Variants in TCF12 observed in about 807,000 individuals in gnomAD.
The protein encoded by TCF12 is DNA-binding protein HTF4.
In TCF12, 45 loss-of-function variants were observed where a neutral mutation model predicts 86.0. That is an observed-to-expected ratio of 0.52 (90% CI 0.41 to 0.67). The LOEUF (loss-of-function observed/expected upper bound fraction) is 0.67. Among genes scored for constraint, TCF12 ranks in the 30% least tolerant of loss-of-function variants. The pLI is 0.00. For synonymous variants in TCF12, 330 were observed against 299.6 expected, an observed-to-expected ratio of 1.10 and a Z score of -1.05; for missense variants, 881 against 859.9, an observed-to-expected ratio of 1.02 and a Z score of -0.31.
intron 12 of TCF12, among the ~76,000 whole-genome samples, chr15:57,241,995 GAAA>G: frequency 6.7e-6 from 1 of 148,770 alleles, no homozygotes; most frequent in Admixed American, 6.7e-5. Context: ...CCATCTCAGG[GAAA>G]AAAAAAATGA....
At chr15:57,161,929 A>T (rs1449167929) in intron 5 of TCF12, among the ~76,000 whole-genome samples, 1 of 152,228 alleles carries the variant, frequency 6.6e-6, no homozygotes, top group Non-Finnish European at 1.5e-5. Context: ...TTTGATGATT[A>T]CGTGTCATTG....
At chr15:57,081,070 G>A (rs563052997) in intron 4 of TCF12, among the ~76,000 whole-genome samples, 1 of 152,222 alleles carries the variant, frequency 6.6e-6, no homozygotes, top group Non-Finnish European at 1.5e-5. Flanking sequence ...AGTCCAAACA[G>A]TTTACTAAAG....
At chr15:56,968,049 C>G (rs1241303532) in intron 3 of TCF12, among the ~76,000 whole-genome samples, 1 of 151,978 alleles carries the variant, frequency 6.6e-6, no homozygotes. Context: ...CTCCGCCTCC[C>G]AGGTTCAAAT....
chr15:56,956,129 A>G (rs1336149236), intron 3 of TCF12, among the ~76,000 whole-genome samples: 3 of 151,834 alleles, frequency 2.0e-5, no homozygotes, highest in Non-Finnish European at 2.9e-5. Flanking sequence ...AGAACAGTTT[A>G]TTTATTTTTA....
At chr15:57,235,555 C>T (rs1464653156) in intron 12 of TCF12, among the ~76,000 whole-genome samples, 9 of 152,168 alleles carry the variant, frequency 5.9e-5, no homozygotes, top group Non-Finnish European at 8.8e-5. Context: ...AAAATTGTCT[C>T]ACCCTTTTTT....
chr15:57,063,901 A>T (rs1213206388), intron 4 of TCF12, 78 bp downstream of exon 4: 1 of 1,115,292 alleles, frequency 9.0e-7, no homozygotes, highest in African/African-American at 1.5e-5. Flanking sequence ...GCTGTTTCTT[A>T]TGAGAAATGA....
intron 3 of TCF12, among the ~76,000 whole-genome samples, chr15:57,017,289 A>AT (rs1255826583): frequency 6.6e-6 from 1 of 152,244 alleles, no homozygotes; most frequent in African/African-American, 2.4e-5. Flanking sequence ...CAGCCTAGCA[A>AT]TGCCATTTAA....
At chr15:57,021,918 T>C (rs1216271615) in intron 3 of TCF12, among the ~76,000 whole-genome samples, 1 of 152,168 alleles carries the variant, frequency 6.6e-6, no homozygotes. Flanking sequence ...TACTGAGGGA[T>C]GACTGTATAC....
intron 3 of TCF12, among the ~76,000 whole-genome samples, chr15:57,055,581 A>G (rs1308722506): frequency 6.6e-6 from 1 of 152,082 alleles, no homozygotes; most frequent in Non-Finnish European, 1.5e-5. Flanking sequence ...TTATTCTCCC[A>G]CATCCCCCAA....
At chr15:57,131,861 T>A (rs1456045597) in intron 5 of TCF12, among the ~76,000 whole-genome samples, 1 of 152,174 alleles carries the variant, frequency 6.6e-6, no homozygotes, top group Non-Finnish European at 1.5e-5. Context: ...AGAATCTGAG[T>A]CTTCTGATTT....
At position 56,918,809 on chromosome 15, in the gene TCF12, A is replaced by C. The variant is rs2059614701; in HGVS notation, c.-120A>C. The C allele has an allele frequency of 6.3e-6, 1 of 157,748 alleles. No homozygotes were observed. The highest frequency in any genetic ancestry group is 1.4e-5 in the Non-Finnish European group (1 of 71,302). The allele number at this position is 157,748 out of a possible 1,614,324, so 9.8% of individuals were successfully genotyped here. Reference sequence around the variant, plus strand: ...CCGAGAGCTCGTGCGGGGCAAAGTGAACCGAGCCGCTGGGCGGTGCAAGGG... The same window carrying C: ...CCGAGAGCTCGTGCGGGGCAAAGTGCACCGAGCCGCTGGGCGGTGCAAGGG... On this transcript the variant is annotated 5_prime_UTR_variant, in exon 1 of 21. Transcript: ENST00000333725.
At chr15:57,215,019 AAAT>A (rs2058274867) in intron 8 of TCF12, among the ~76,000 whole-genome samples, 2 of 152,180 alleles carry the variant, frequency 1.3e-5, no homozygotes, top group South Asian at 4.1e-4. Context: ...ATTGGTTTGA[AAAT>A]GATGCATTAT....
At chr15:57,246,604 T>A (rs1410965260) in intron 13 of TCF12, among the ~76,000 whole-genome samples, 1 of 152,024 alleles carries the variant, frequency 6.6e-6, no homozygotes, top group East Asian at 1.9e-4. Context: ...AATTCCCTAT[T>A]TTTTTATTCC....
At chr15:57,094,904 T>A (rs752816738) in intron 5 of TCF12, among the ~76,000 whole-genome samples, 1 of 152,204 alleles carries the variant, frequency 6.6e-6, no homozygotes, top group Non-Finnish European at 1.5e-5. Context: ...GTGATAGAGC[T>A]TTCAAATACT....
chr15:57,024,349 G>C (rs982148698), intron 3 of TCF12, among the ~76,000 whole-genome samples: 2 of 150,736 alleles, frequency 1.3e-5, no homozygotes, highest in African/African-American at 2.4e-5. Context: ...GAGTAGTTGA[G>C]ATTACAGGCG....
chr15:56,919,843 C>G (rs2059698264), intron 1 of TCF12, 49 bp from the exon 2 acceptor site: 24 of 1,546,294 alleles, frequency 1.6e-5, no homozygotes, highest in Non-Finnish European at 2.1e-5. Context: ...TTCCCTCACA[C>G]ACTTTGGGCC....
chr15:57,042,972 G>C (rs2066996025), intron 3 of TCF12, among the ~76,000 whole-genome samples: 1 of 152,072 alleles, frequency 6.6e-6, no homozygotes, highest in Admixed American at 6.6e-5. Context: ...CGCTACTTTA[G>C]ATACTTCATA....
rs867048828 is a variant in TCF12 at position 57,244,783 on chromosome 15, A to G, written c.1114+1233A>G. 5.3e-5 allele frequency among the ~76,000 whole-genome samples: 8 copies of G among 151,362 alleles called. No homozygotes were observed. The South Asian group carries it at 6.3e-4, about 12-fold the overall frequency. The stretch of plus-strand genomic sequence containing the variant: ...CCGGCCCACATGTTTTTTTTTTCTT[A>G]ATATTTTTTATGTTAGTTTAGACAA... On this transcript the variant is annotated intron_variant, in intron 13 of 20. Coordinates refer to ENST00000333725, the MANE Select transcript of TCF12 (RefSeq NM_207037.2).
intron 3 of TCF12, among the ~76,000 whole-genome samples, chr15:56,996,001 T>C (rs2063694780): frequency 4.6e-5 from 7 of 152,170 alleles, no homozygotes; most frequent in Admixed American, 4.6e-4. Flanking sequence ...TGAAGAAATA[T>C]TGGATTTTAT....
Sources: allele counts gnomAD v4.1 joint callset (sites outside exome capture counted in the v4.1 genomes callset), GRCh38; gene constraint gnomAD v4.1.1; transcripts MANE v1.5; gene names NCBI Gene and HGNC (gene_info 2026-07-23, HGNC 2026-07-21).